Variants in RAD50 observed in about 807,000 individuals in gnomAD.
RAD50 encodes the protein RAD50 double strand break repair protein.
RAD50 carries 132 observed loss-of-function variants against 168.8 expected under a neutral mutation model. The ratio of observed to expected loss-of-function variants is 0.78; its 90% CI spans 0.68 to 0.90. RAD50 has a LOEUF of 0.90. Ranked by LOEUF, RAD50 falls within the 40% of genes least tolerant of loss-of-function variation. The probability of loss-of-function intolerance (pLI) is 0.00; values close to 1 mark genes in which losing one functional copy is unlikely to be tolerated. For missense variants in RAD50, 1,347 were observed against 1,534.4 expected, an observed-to-expected ratio of 0.88 and a Z score of 2.04; for synonymous variants, 525 against 497.4, an observed-to-expected ratio of 1.06 and a Z score of -0.74.
At chr5:132,603,262 C>T (rs747378923) in intron 13 of RAD50, 38 bp from the exon 14 acceptor site, 5 of 1,539,598 alleles carry the variant, frequency 3.2e-6, no homozygotes, top group Middle Eastern at 1.8e-4. Context: ...CTGTGAGAAA[C>T]ATCAGATACT....
chr5:132,599,845 G>A (rs1750856702), intron 13 of RAD50, among the ~76,000 whole-genome samples: 1 of 151,908 alleles, frequency 6.6e-6, no homozygotes, highest in South Asian at 2.1e-4. Context: ...TTGGGCCTTC[G>A]TATCCCCCAC....
chr5:132,646,136 A>G lies in RAD50; in HGVS notation c.*3772A>G, dbSNP rs1042504204. ...AAAGCAGCAGCAGCTGAAAGTTGGCAGGAGCACACTGGCAGTTCCTAGGAT... is the reference window on the plus strand; with the variant it reads ...AAAGCAGCAGCAGCTGAAAGTTGGCGGGAGCACACTGGCAGTTCCTAGGAT... On this transcript the variant is annotated 3_prime_UTR_variant, in exon 25 of 25. Coordinates refer to ENST00000378823, the MANE Select transcript of RAD50 (RefSeq NM_005732.4). 1 of 148,198 alleles carries G rather than the reference A, an allele frequency of 6.7e-6. No homozygotes were observed. The highest frequency in any genetic ancestry group is 2.5e-5 in the African/African-American group (1 of 40,392). The allele number at this position is 148,198 out of a possible 1,614,324, so 9.2% of individuals were successfully genotyped here.
chr5:132,603,816 A>G, intron 14 of RAD50, 104 bp from the exon 15 acceptor site: 2 of 1,122,814 alleles, frequency 1.8e-6, no homozygotes, highest in Non-Finnish European at 2.6e-6. Context: ...GAAATGGTTT[A>G]TAAGTTTAGA....
intron 13 of RAD50, among the ~76,000 whole-genome samples, chr5:132,598,731 G>A (rs1750836805): frequency 6.6e-6 from 1 of 152,212 alleles, no homozygotes; most frequent in Non-Finnish European, 1.5e-5. Flanking sequence ...TGCGTCTTGG[G>A]CTTTTGGCAG....
intron 13 of RAD50, among the ~76,000 whole-genome samples, chr5:132,601,896 A>G (rs924705620): frequency 1.3e-5 from 2 of 152,132 alleles, no homozygotes; most frequent in Non-Finnish European, 2.9e-5. Flanking sequence ...CAAACATTGC[A>G]TGTTCTCACT....
chr5:132,624,984 A>C (rs1010377088), intron 21 of RAD50, among the ~76,000 whole-genome samples: 1 of 152,194 alleles, frequency 6.6e-6, no homozygotes, highest in Non-Finnish European at 1.5e-5. Flanking sequence ...CTTTGTATAA[A>C]AGTCCAACAT....
rs1750710114 is a variant in RAD50, at chr5:132,591,992, C to G, written c.1751C>G (p.Ser584Ter). The change falls in exon 11 of 25, where the codon TCA becomes TGA. Residue 584 changes from serine to a stop codon, truncating the protein, a stop_gained. Coordinates refer to ENST00000378823, the MANE Select transcript of RAD50 (RefSeq NM_005732.4). LOFTEE classifies it high-confidence loss of function. ...CTTGAAGACTGGCTACATAGTAAATCAAAAGAAATTAATCAGACCAGGGAC... is the reference window on the plus strand; with the variant it reads ...CTTGAAGACTGGCTACATAGTAAATGAAAAGAAATTAATCAGACCAGGGAC... ...KQLEDWLHSK[S>*]KEINQTRDRL... The G allele has an allele frequency of 1.2e-6, 2 of 1,612,904 alleles. No homozygotes were observed. The highest frequency in any genetic ancestry group is 1.7e-6 in the Non-Finnish European group (2 of 1,179,280).
chr5:132,603,990 G>T lies in RAD50; in HGVS notation c.2468G>T (p.Arg823Leu). ...AAKLQGIDLD[R>L]TVQQVNQEKQ... Reference sequence around the variant, plus strand: ...AAGCTACAAGGAATAGACTTAGATCGAACTGTCCAACAAGTCAACCAGGAG... The same window carrying T: ...AAGCTACAAGGAATAGACTTAGATCTAACTGTCCAACAAGTCAACCAGGAG... Residue 823 changes from arginine (R) to leucine (L), a missense_variant, in exon 15 of 25, where the codon CGA becomes CTA. Physicochemically the swap from Arg to Leu is moderately radical, Grantham distance 102. Coordinates refer to ENST00000378823, the MANE Select transcript of RAD50 (RefSeq NM_005732.4). 6.2e-7 allele frequency: 1 copy of T among 1,613,486 alleles called. No homozygotes were observed. The highest frequency in any genetic ancestry group is 8.5e-7 in the Non-Finnish European group (1 of 1,179,570).
In RAD50 at chr5:132,577,161, C is replaced by T. The variant is rs566260016; in HGVS notation, c.365+1233C>T. On this transcript the variant is annotated intron_variant, in intron 3 of 24. Transcript: ENST00000378823. ...GGAGAATATGTTTCCTTGTTCTTTC[C>T]GTCTTTTAGAGGCCACCCATATTTT... Among the ~76,000 whole-genome samples the T allele has an allele frequency of 2.0e-3, 307 of 152,178 alleles. 1 individual carries two copies. Among genetic ancestry groups the T allele is most frequent in the African/African-American group, 7.1e-3 (294 of 41,538 alleles).
chr5:132,623,005 CTT>C (rs1210998634), intron 21 of RAD50, among the ~76,000 whole-genome samples: 1 of 152,160 alleles, frequency 6.6e-6, no homozygotes, highest in Non-Finnish European at 1.5e-5. Context: ...TTGCCCAAGA[CTT>C]TGAATTTTCA....
At chr5:132,602,225 A>G (rs769100482) in intron 13 of RAD50, among the ~76,000 whole-genome samples, 30 of 152,210 alleles carry the variant, frequency 2.0e-4, no homozygotes, top group Admixed American at 2.6e-4. Context: ...TTAAAAAATC[A>G]TTAAGTAATA....
At chr5:132,626,639 G>T (rs576570658) in intron 21 of RAD50, among the ~76,000 whole-genome samples, 1 of 152,108 alleles carries the variant, frequency 6.6e-6, no homozygotes, top group African/African-American at 2.4e-5. Context: ...GTAGGTTTCT[G>T]TTCCCATTTA....
rs775069541 is a variant in RAD50 at position 132,618,277 on chromosome 5, T to G, written c.3372T>G (p.Tyr1124Ter). The G allele has an allele frequency of 6.2e-7, 1 of 1,614,038 alleles. No individual in the cohort carries two copies. The highest frequency in any genetic ancestry group is 8.5e-7 in the Non-Finnish European group (1 of 1,179,962). ...TTGTGAACAAGGATCTGGATATTTA[T>G]TATAAGACTCTTGACCAGTAAGTAT... The part of the protein sequence containing the change: ...TELVNKDLDI[Y>*]YKTLDQAIMK... The change falls in exon 21 of 25, where the codon TAT (tyrosine) becomes TAG (stop). Residue 1124 changes from tyrosine (Y) to a stop codon, truncating the protein, a stop_gained. Coordinates refer to ENST00000378823, the MANE Select transcript of RAD50 (RefSeq NM_005732.4). LOFTEE classifies it high-confidence loss of function.
intron 19 of RAD50, 37 bp from the exon 20 acceptor site, chr5:132,615,966 G>A (rs1402517631): frequency 6.5e-7 from 1 of 1,538,756 alleles, no homozygotes; most frequent in Admixed American, 1.7e-5. Context: ...TTAGTAACTT[G>A]GTTATTTTTG....
At chr5:132,640,555 C>G in intron 23 of RAD50, 117 bp from the exon 24 acceptor site, 3 of 1,411,564 alleles carry the variant, frequency 2.1e-6, no homozygotes, top group Non-Finnish European at 3.0e-6. Context: ...CTTTACCTAA[C>G]AGTGAACCTG....
At chr5:132,624,623 G>A (rs981257576) in intron 21 of RAD50, among the ~76,000 whole-genome samples, 1 of 152,060 alleles carries the variant, frequency 6.6e-6, no homozygotes, top group Non-Finnish European at 1.5e-5. Flanking sequence ...ATTTTGCCAG[G>A]CTTAGTGGCT....
chr5:132,610,660 A>T (rs897053428), intron 19 of RAD50, among the ~76,000 whole-genome samples: 5 of 152,208 alleles, frequency 3.3e-5, no homozygotes, highest in Non-Finnish European at 7.3e-5. Context: ...CAAATATATG[A>T]AATATCAGTC....
At chr5:132,637,666 G>A (rs1008117351) in intron 22 of RAD50, among the ~76,000 whole-genome samples, 1 of 151,980 alleles carries the variant, frequency 6.6e-6, no homozygotes, top group Non-Finnish European at 1.5e-5. Flanking sequence ...AGTAGTAGCT[G>A]GAATTACAGG....
At chr5:132,609,445 C>G (rs577304953) in intron 19 of RAD50, 49 bp downstream of exon 19, 1 of 1,602,118 alleles carries the variant, frequency 6.2e-7, no homozygotes, top group African/African-American at 1.3e-5. Flanking sequence ...ACATTCTTTT[C>G]TATAGTTTTA....
Sources: gnomAD v4.1 joint callset for allele counts (sites outside exome capture counted in the v4.1 genomes callset) on GRCh38, gnomAD v4.1.1 for gene constraint, MANE v1.5 for transcripts, NCBI Gene and HGNC (gene_info 2026-07-23, HGNC 2026-07-21) for gene names.